LARGE1: variants seen among roughly 807,000 people sequenced by gnomAD.
LARGE1 encodes xylosyl- and glucuronyltransferase LARGE1.
Under a neutral mutation model 87.6 loss-of-function variants are expected in LARGE1, and 43 were observed. The ratio of observed to expected loss-of-function variants is 0.49; its 90% CI spans 0.38 to 0.63. The LOEUF is 0.63. Among genes scored for constraint, LARGE1 ranks in the 30% least tolerant of loss-of-function variants. The probability of loss-of-function intolerance (pLI) is 0.00; values close to 1 mark genes in which losing one functional copy is unlikely to be tolerated. For synonymous variants in LARGE1, 434 were observed against 394.6 expected (o/e 1.10, Z -1.18); for missense variants, 802 against 1,000.2 (o/e 0.80, Z 2.67).
intron 1 of LARGE1, among the ~76,000 whole-genome samples, chr22:33,789,192 G>A (rs538473291): frequency 6.6e-6 from 1 of 152,260 alleles, no homozygotes; most frequent in South Asian, 2.1e-4. Context: ...TCCCAGCCGT[G>A]GCTAAAAGGA....
chr22:33,597,294 A>AGTATT (rs2079003921), intron 5 of LARGE1, among the ~76,000 whole-genome samples: 1 of 152,052 alleles, frequency 6.6e-6, no homozygotes, highest in African/African-American at 2.4e-5. Flanking sequence ...AAAAAAAAAA[A>AGTATT]AAAACTTGTA....
chr22:33,190,434 C>A (rs1489762982), intron 11 of LARGE1, among the ~76,000 whole-genome samples: 1 of 152,154 alleles, frequency 6.6e-6, no homozygotes, highest in Non-Finnish European at 1.5e-5. Context: ...TATGGCGGTT[C>A]CTGCTCATAG....
At chr22:33,572,275 T>A in intron 5 of LARGE1, 4 of 1,068,684 alleles carry the variant, frequency 3.7e-6, no homozygotes, top group South Asian at 1.5e-5. Context: ...GTGGTTGTCT[T>A]GGCAACCAAC....
chr22:33,668,544 T>A (rs1021072710), intron 2 of LARGE1, among the ~76,000 whole-genome samples: 1 of 152,202 alleles, frequency 6.6e-6, no homozygotes, highest in Non-Finnish European at 1.5e-5. Context: ...TGAAATAAAC[T>A]CCCATATGCT....
chr22:33,278,276 C>A (rs993685747), intron 13 of LARGE1, among the ~76,000 whole-genome samples: 1 of 152,102 alleles, frequency 6.6e-6, no homozygotes, highest in African/African-American at 2.4e-5. Flanking sequence ...GAGAGAAATT[C>A]TGCTAACCAC....
chr22:33,708,941 G>T (rs904327584), intron 2 of LARGE1, among the ~76,000 whole-genome samples: 2 of 152,116 alleles, frequency 1.3e-5, no homozygotes, highest in African/African-American at 4.8e-5. Context: ...CCTGCAGCTG[G>T]CCATCTTCTG....
At chr22:33,359,758 G>A (rs1445002006) in intron 9 of LARGE1, among the ~76,000 whole-genome samples, 1 of 148,532 alleles carries the variant, frequency 6.7e-6, no homozygotes, top group Non-Finnish European at 1.5e-5. Context: ...TAGAGATGGG[G>A]TTTCACTGTG....
At chr22:33,414,963 T>C (rs1391766796) in intron 7 of LARGE1, among the ~76,000 whole-genome samples, 1 of 152,234 alleles carries the variant, frequency 6.6e-6, no homozygotes, top group Admixed American at 6.5e-5. Context: ...TACATTTATG[T>C]TGTTTATAAG....
At chr22:33,076,589 G>T in the LARGE1 span, among the ~76,000 whole-genome samples, 1 of 152,122 alleles carries the variant, frequency 6.6e-6, no homozygotes, top group African/African-American at 2.4e-5. Flanking sequence ...TGTCCGTGGT[G>T]CTGAATTGTA....
intron 2 of LARGE1, among the ~76,000 whole-genome samples, chr22:33,679,557 G>A (rs2081685364): frequency 6.6e-6 from 1 of 152,036 alleles, no homozygotes; most frequent in Non-Finnish European, 1.5e-5. Flanking sequence ...GAAGTTAGGA[G>A]AAAGGCCAGG....
the LARGE1 span, among the ~76,000 whole-genome samples, chr22:33,132,030 A>G: frequency 6.8e-6 from 1 of 147,276 alleles, no homozygotes; most frequent in African/African-American, 2.5e-5. Flanking sequence ...AGAACAGCCC[A>G]GGAAAGACCC....
chr22:33,592,231 A>T (rs2078862093), intron 5 of LARGE1, among the ~76,000 whole-genome samples: 1 of 127,458 alleles, frequency 7.8e-6, no homozygotes, highest in African/African-American at 3.3e-5. Context: ...ATTCATTTCA[A>T]GTTAATTTTT....
chr22:33,263,409 T>C (rs1927753955), intron 11 of LARGE1, among the ~76,000 whole-genome samples: 7 of 152,262 alleles, frequency 4.6e-5, no homozygotes, highest in Admixed American at 4.6e-4. Flanking sequence ...GTGCTCTTGC[T>C]GGCTTTGAAG....
In LARGE1 at chr22:33,276,639, C is replaced by G. The variant is rs566981096; in HGVS notation, c.2073+421G>C. ...GCCACTCTTTTAGTAATGATGGATG[C>G]ATCTATTAATCTTTTAGTAAAGGGT... On this transcript the variant is annotated intron_variant, in intron 14 of 14. Transcript: ENST00000397394. 2.0e-5 allele frequency among the ~76,000 whole-genome samples: 3 copies of G among 152,196 alleles called. No homozygotes were observed. In the South Asian group the frequency reaches 6.2e-4, roughly 32 times the overall value.
chr22:33,711,930 G>C (rs2149405141), intron 2 of LARGE1, among the ~76,000 whole-genome samples: 1 of 152,210 alleles, frequency 6.6e-6, no homozygotes, highest in African/African-American at 2.4e-5. Flanking sequence ...CAAAGTGTTG[G>C]GACTGTAGGC....
chr22:33,324,871 T>C (rs1937102663), intron 10 of LARGE1, among the ~76,000 whole-genome samples: 2 of 152,176 alleles, frequency 1.3e-5, no homozygotes, highest in South Asian at 4.1e-4. Flanking sequence ...GGGTTTGGAC[T>C]TCCTAAAGTG....
At chr22:33,163,819 A>G (rs1392126848) in exon 12 of LARGE1, 1 of 152,242 alleles carries the variant, frequency 6.6e-6, no homozygotes, top group Non-Finnish European at 1.5e-5. Flanking sequence ...ACATTTAGCA[A>G]GTGGTGAATA....
chr22:33,698,436 G>C (rs967565045), intron 2 of LARGE1, among the ~76,000 whole-genome samples: 1 of 151,746 alleles, frequency 6.6e-6, no homozygotes, highest in African/African-American at 2.4e-5. Flanking sequence ...GAGTAGCTGA[G>C]AGTACAGGGG....
At chr22:33,147,892 T>A in the LARGE1 span, among the ~76,000 whole-genome samples, 1 of 152,220 alleles carries the variant, frequency 6.6e-6, no homozygotes, top group Non-Finnish European at 1.5e-5. Context: ...CATCAACCAC[T>A]GATCTGTTCC....
Sources: gnomAD v4.1 joint callset for allele counts (sites outside exome capture counted in the v4.1 genomes callset) on GRCh38, gnomAD v4.1.1 for gene constraint, MANE v1.5 for transcripts, NCBI Gene and HGNC (gene_info 2026-07-23, HGNC 2026-07-21) for gene names.